Variants in NRXN3 observed in about 807,000 individuals in gnomAD.
The protein encoded by NRXN3 is neurexin 3.
Under a neutral mutation model 137.6 loss-of-function variants are expected in NRXN3, and 32 were observed. That is an observed-to-expected ratio of 0.23 (90% CI 0.18 to 0.31). The LOEUF (loss-of-function observed/expected upper bound fraction) is 0.31, where lower values mean the gene tolerates loss of function less well. Among genes scored for constraint, NRXN3 ranks in the 10% least tolerant of loss-of-function variants. NRXN3 has a pLI of 1.00. For synonymous variants in NRXN3, 798 were observed against 784.5 expected, an observed-to-expected ratio of 1.02 and a Z score of -0.29; for missense variants, 1,574 against 2,062.5, an observed-to-expected ratio of 0.76 and a Z score of 4.59.
chr14:79,152,727 G>A (rs1354257030), intron 15 of NRXN3, among the ~76,000 whole-genome samples: 1 of 151,938 alleles, frequency 6.6e-6, no homozygotes, highest in Non-Finnish European at 1.5e-5. Context: ...CCACAATTAA[G>A]TTATCTCACC....
intron 10 of NRXN3, among the ~76,000 whole-genome samples, chr14:78,874,939 A>G (rs534287935): frequency 6.6e-6 from 1 of 152,328 alleles, no homozygotes; most frequent in African/African-American, 2.4e-5. Flanking sequence ...GAATCCATCA[A>G]TTAAACTGTG....
chr14:79,823,122 T>C (rs2099277819), intron 20 of NRXN3, among the ~76,000 whole-genome samples: 1 of 147,712 alleles, frequency 6.8e-6, no homozygotes, highest in Admixed American at 6.9e-5. Flanking sequence ...AGGCATGTGA[T>C]CTACATCAAA....
intron 8 of NRXN3, 116 bp from the exon 9 acceptor site, chr14:78,803,504 A>G (rs1350927112): frequency 5.5e-6 from 5 of 902,208 alleles, no homozygotes; most frequent in Non-Finnish European, 5.4e-6. Flanking sequence ...CATCAAACAC[A>G]AGTCACTAGG....
chr14:78,313,644 C>T (rs2078237545), intron 4 of NRXN3, among the ~76,000 whole-genome samples: 1 of 152,104 alleles, frequency 6.6e-6, no homozygotes, highest in Non-Finnish European at 1.5e-5. Flanking sequence ...CTTTGTCTGA[C>T]CCCAAAGCCT....
intron 8 of NRXN3, chr14:78,753,609 G>A (rs900993834): frequency 6.6e-6 from 1 of 152,130 alleles, no homozygotes; most frequent in Non-Finnish European, 1.5e-5. Context: ...GGTAACTTGG[G>A]TCTAAGTACT....
intron 8 of NRXN3, among the ~76,000 whole-genome samples, chr14:78,802,122 T>G (rs1481645442): frequency 6.6e-6 from 1 of 152,242 alleles, no homozygotes; most frequent in Non-Finnish European, 1.5e-5. Context: ...ATTCTCTTCC[T>G]GTGTTTTCTA....
chr14:78,797,663 T>A (rs4903803), intron 8 of NRXN3, among the ~76,000 whole-genome samples: 145,405 of 152,268 alleles, frequency 0.95, 69,774 homozygotes, highest in East Asian at 1. Context: ...TGGCAGAAGA[T>A]AAAATAATTG....
At chr14:78,409,964 CTCT>C (rs2092725044) in intron 4 of NRXN3, among the ~76,000 whole-genome samples, 1 of 152,162 alleles carries the variant, frequency 6.6e-6, no homozygotes, top group Non-Finnish European at 1.5e-5. Flanking sequence ...GTTTTCTGTT[CTCT>C]TCTTTGAACT....
intron 8 of NRXN3, among the ~76,000 whole-genome samples, chr14:78,736,350 C>T (rs929013633): frequency 6.6e-6 from 1 of 152,086 alleles, no homozygotes; most frequent in Non-Finnish European, 1.5e-5. Context: ...GCTACATCAT[C>T]GAAGTGAAAT....
chr14:78,400,645 ATTAAG>A (rs1464112521), intron 4 of NRXN3, among the ~76,000 whole-genome samples: 5 of 152,202 alleles, frequency 3.3e-5, no homozygotes, highest in Non-Finnish European at 4.4e-5. Flanking sequence ...TATAGGCATT[ATTAAG>A]TTAAACCTGA....
chr14:79,704,818 C>T (rs1181237018), intron 19 of NRXN3, among the ~76,000 whole-genome samples: 4 of 152,116 alleles, frequency 2.6e-5, no homozygotes, highest in African/African-American at 9.7e-5. Context: ...GTAAGATTCT[C>T]TGGTGACATT....
chr14:78,319,131 C>A (rs1225893299), intron 4 of NRXN3, among the ~76,000 whole-genome samples: 1 of 152,126 alleles, frequency 6.6e-6, no homozygotes, highest in Admixed American at 6.5e-5. Flanking sequence ...AGTCAGAATG[C>A]AAAGATCCAA....
chr14:79,357,777 A>G (rs190287240), intron 15 of NRXN3, among the ~76,000 whole-genome samples: 1 of 152,254 alleles, frequency 6.6e-6, no homozygotes, highest in East Asian at 1.9e-4. Flanking sequence ...TCACCCCAAT[A>G]TGTCACTATA....
chr14:79,494,923 C>G (rs1240156712), intron 16 of NRXN3, among the ~76,000 whole-genome samples: 1 of 152,150 alleles, frequency 6.6e-6, no homozygotes, highest in African/African-American at 2.4e-5. Flanking sequence ...TTAGTTTCTT[C>G]TAATTTGTGA....
intron 1 of NRXN3, among the ~76,000 whole-genome samples, chr14:78,231,812 T>C (rs1464055382): frequency 1.3e-5 from 2 of 152,176 alleles, no homozygotes; most frequent in Admixed American, 6.5e-5. Context: ...CCAGAGCAAG[T>C]GTATTATGAG....
At chr14:79,272,759 C>T (rs999766356) in intron 15 of NRXN3, among the ~76,000 whole-genome samples, 3 of 152,158 alleles carry the variant, frequency 2.0e-5, no homozygotes, top group Non-Finnish European at 4.4e-5. Flanking sequence ...TTGGAGTTGG[C>T]TTGGAGGACA....
At chr14:79,554,754 A>G (rs138628410) in intron 16 of NRXN3, among the ~76,000 whole-genome samples, 1,739 of 152,250 alleles carry the variant, frequency 0.011, 22 homozygotes, top group Middle Eastern at 0.044. Flanking sequence ...TAGGCTTGAG[A>G]CATTATAGAG....
At chr14:79,321,005 A>G (rs2089912059) in intron 15 of NRXN3, among the ~76,000 whole-genome samples, 2 of 152,148 alleles carry the variant, frequency 1.3e-5, no homozygotes, top group African/African-American at 4.8e-5. Context: ...TTTGTATCAA[A>G]CTATCACATC....
At chr14:79,511,355 A>G (rs999169064) in intron 16 of NRXN3, among the ~76,000 whole-genome samples, 3 of 152,220 alleles carry the variant, frequency 2.0e-5, no homozygotes, top group East Asian at 3.9e-4. Context: ...TGAGAGAGCC[A>G]AGGGAAGGAC....
Sources: gnomAD v4.1 joint callset for allele counts (sites outside exome capture counted in the v4.1 genomes callset) on GRCh38, gnomAD v4.1.1 for gene constraint, MANE v1.5 for transcripts, NCBI Gene and HGNC (gene_info 2026-07-23, HGNC 2026-07-21) for gene names.